LRMDA: variants seen among roughly 807,000 people sequenced by gnomAD.
LRMDA encodes the protein leucine rich melanocyte differentiation associated.
Under a neutral mutation model 29.8 loss-of-function variants are expected in LRMDA, and 18 were observed. That is an observed-to-expected ratio of 0.60 (90% CI 0.42 to 0.90). The LOEUF is 0.90. LRMDA is among the 40% of genes least tolerant of loss of function. The pLI, the probability that LRMDA is intolerant of heterozygous loss-of-function variation, is 0.00. For missense variants in LRMDA, 273 were observed against 273.9 expected, an observed-to-expected ratio of 1.00 and a Z score of 0.02; for synonymous variants, 125 against 109.4, an observed-to-expected ratio of 1.14 and a Z score of -0.89.
intron 2 of LRMDA, among the ~76,000 whole-genome samples, chr10:75,794,120 A>G (rs968092852): frequency 6.6e-6 from 1 of 152,250 alleles, no homozygotes; most frequent in Non-Finnish European, 1.5e-5. Context: ...ACCACCACAT[A>G]ATCAAGCTAT....
chr10:75,996,328 C>T (rs7915130), intron 2 of LRMDA, among the ~76,000 whole-genome samples: 38,661 of 152,048 alleles, frequency 0.25, 5,243 homozygotes, highest in South Asian at 0.44. Flanking sequence ...GAGTTTTGAA[C>T]GTGTGGAATT....
chr10:76,237,639 C>G (rs1852176894), intron 5 of LRMDA, among the ~76,000 whole-genome samples: 1 of 152,164 alleles, frequency 6.6e-6, no homozygotes, highest in African/African-American at 2.4e-5. Flanking sequence ...AGCAATTTCC[C>G]CAGCCCTGAG....
intron 5 of LRMDA, among the ~76,000 whole-genome samples, chr10:76,196,168 A>G (rs758543440): frequency 3.3e-5 from 5 of 152,202 alleles, no homozygotes; most frequent in African/African-American, 7.2e-5. Context: ...TGTTTTGCCA[A>G]CTGGCAAAAT....
intron 2 of LRMDA, among the ~76,000 whole-genome samples, chr10:75,946,399 A>G (rs1054234541): frequency 6.6e-6 from 1 of 152,232 alleles, no homozygotes; most frequent in African/African-American, 2.4e-5. Flanking sequence ...GCAGGGAGAC[A>G]TGGAGCATCT....
chr10:75,532,620 T>C (rs937404734), intron 2 of LRMDA, among the ~76,000 whole-genome samples: 1 of 152,224 alleles, frequency 6.6e-6, no homozygotes, highest in African/African-American at 2.4e-5. Flanking sequence ...TGTACTCTTA[T>C]TCATTTCAGA....
At chr10:75,965,512 T>A (rs1257226062) in intron 2 of LRMDA, among the ~76,000 whole-genome samples, 1 of 152,198 alleles carries the variant, frequency 6.6e-6, no homozygotes, top group African/African-American at 2.4e-5. Context: ...TGAGGTATGC[T>A]TAGATGAATG....
intron 6 of LRMDA, among the ~76,000 whole-genome samples, chr10:76,523,402 C>A (rs949037949): frequency 2.6e-5 from 4 of 152,134 alleles, no homozygotes; most frequent in Admixed American, 6.5e-5. Flanking sequence ...CTTACCTCTT[C>A]CCTCAGGAAA....
chr10:76,537,421 T>G (rs1174694203), intron 6 of LRMDA, among the ~76,000 whole-genome samples: 5 of 152,248 alleles, frequency 3.3e-5, no homozygotes, highest in Admixed American at 3.3e-4. Context: ...TTATCCTTTC[T>G]CTCTGTAGGT....
intron 6 of LRMDA, among the ~76,000 whole-genome samples, chr10:76,477,728 A>G (rs1842690932): frequency 6.6e-6 from 1 of 152,134 alleles, no homozygotes; most frequent in South Asian, 2.1e-4. Context: ...AACAGAACAG[A>G]GCCCTCAGAA....
At chr10:75,727,179 C>T (rs1842640744) in intron 2 of LRMDA, among the ~76,000 whole-genome samples, 1 of 152,170 alleles carries the variant, frequency 6.6e-6, no homozygotes, top group African/African-American at 2.4e-5. Flanking sequence ...TCTTTGCCAT[C>T]CTTCACCTGA....
intron 6 of LRMDA, among the ~76,000 whole-genome samples, chr10:76,478,378 A>G (rs1842700253): frequency 6.6e-6 from 1 of 152,160 alleles, no homozygotes; most frequent in Non-Finnish European, 1.5e-5. Context: ...AATGTCGATC[A>G]TTAAAAAGTC....
chr10:76,462,254 G>A (rs1842521092), intron 6 of LRMDA, among the ~76,000 whole-genome samples: 1 of 151,656 alleles, frequency 6.6e-6, no homozygotes, highest in Non-Finnish European at 1.5e-5. Context: ...AAATGTTTGA[G>A]GAGAAAGATA....
intron 4 of LRMDA, among the ~76,000 whole-genome samples, chr10:76,051,515 C>T (rs1848531270): frequency 6.6e-6 from 1 of 152,212 alleles, no homozygotes; most frequent in Non-Finnish European, 1.5e-5. Context: ...TTATTCCACT[C>T]ACACTGTTTG....
chr10:76,185,575 C>T (rs1260599421), intron 5 of LRMDA, among the ~76,000 whole-genome samples: 1 of 152,170 alleles, frequency 6.6e-6, no homozygotes, highest in African/African-American at 2.4e-5. Context: ...AAGTCCTCCC[C>T]TATCTTCTAT....
At chr10:75,499,138 C>T (rs550573093) in intron 2 of LRMDA, among the ~76,000 whole-genome samples, 5 of 152,208 alleles carry the variant, frequency 3.3e-5, no homozygotes, top group Non-Finnish European at 5.9e-5. Context: ...TCCTCCTGGT[C>T]GTTTTTCCAG....
intron 3 of LRMDA, among the ~76,000 whole-genome samples, chr10:76,038,696 A>T (rs1395041163): frequency 6.6e-6 from 1 of 152,162 alleles, no homozygotes; most frequent in Non-Finnish European, 1.5e-5. Context: ...TCTCCTACCT[A>T]ACTGTGAGAA....
intron 6 of LRMDA, among the ~76,000 whole-genome samples, chr10:76,527,894 A>T (rs1388945685): frequency 1.3e-5 from 2 of 152,108 alleles, no homozygotes; most frequent in Non-Finnish European, 2.9e-5. Flanking sequence ...CAATCCAGGG[A>T]GTGTGGTATA....
chr10:75,615,033 C>T (rs574121169), intron 2 of LRMDA, among the ~76,000 whole-genome samples: 17 of 152,178 alleles, frequency 1.1e-4, no homozygotes, highest in Admixed American at 2.0e-4. Context: ...GTTGACTCTG[C>T]CCAGTCAACT....
At chr10:76,546,074 A>C (rs1409292633) in intron 6 of LRMDA, among the ~76,000 whole-genome samples, 4 of 152,190 alleles carry the variant, frequency 2.6e-5, no homozygotes, top group African/African-American at 9.7e-5. Flanking sequence ...TCCCAGGGCC[A>C]ACCCATACAT....
Sources: allele counts gnomAD v4.1 joint callset (sites outside exome capture counted in the v4.1 genomes callset), GRCh38; gene constraint gnomAD v4.1.1; transcripts MANE v1.5; gene names NCBI Gene and HGNC (gene_info 2026-07-23, HGNC 2026-07-21).